WHR1: variants seen among roughly 807,000 people sequenced by gnomAD.
WHR1 encodes the protein MHC class III HLA-RP1.
At chr6:31,979,060 C>G in the WHR1 span, 1,131,156 of 1,548,988 alleles carry the variant, frequency 0.73, 419,188 homozygotes, top group African/African-American at 0.92. Flanking sequence ...AGACAGGGAA[C>G]TTGGGAAACA....
chr6:31,978,886 C>A, the WHR1 span: 1 of 1,611,936 alleles, frequency 6.2e-7, no homozygotes, highest in Non-Finnish European at 8.5e-7. Context: ...TTTTCACTCT[C>A]TTCTCTGTGG....
At chr6:31,974,901 C>G in the WHR1 span, among the ~76,000 whole-genome samples, 2 of 152,162 alleles carry the variant, frequency 1.3e-5, no homozygotes, top group African/African-American at 2.4e-5. Flanking sequence ...GAGCTAGTCT[C>G]CCTGACTAGG....
the WHR1 span, among the ~76,000 whole-genome samples, chr6:31,976,356 C>G: frequency 2.6e-5 from 4 of 151,674 alleles, no homozygotes; most frequent in Non-Finnish European, 4.4e-5. Context: ...AGGGTCTCCT[C>G]CCTTCTCAGA....
chr6:31,972,320 C>T, the WHR1 span: 1 of 1,613,148 alleles, frequency 6.2e-7, no homozygotes, highest in South Asian at 1.1e-5. This position sits in a 1 kb window ranked among gnomAD's most constrained non-coding sequence, Gnocchi z 6.3. Context: ...CCCGGGGAGA[C>T]CGTACGTCAC....
chr6:31,979,499 G>A, the WHR1 span: 2 of 1,612,842 alleles, frequency 1.2e-6, no homozygotes, highest in Non-Finnish European at 1.7e-6. Flanking sequence ...GGGGACCTTA[G>A]TTTCCAGCAG....
chr6:31,979,866 G>GT, the WHR1 span: 1 of 272,096 alleles, frequency 3.7e-6, no homozygotes, highest in Non-Finnish European at 7.0e-6. Context: ...ATAGAGAATG[G>GT]TAGGAGCTGG....
At chr6:31,977,277 T>G in the WHR1 span, among the ~76,000 whole-genome samples, 1 of 152,026 alleles carries the variant, frequency 6.6e-6, no homozygotes, top group East Asian at 1.9e-4. Context: ...GTTCAAGTGA[T>G]TCTCCTGCCT....
chr6:31,972,922 A>G, the WHR1 span: 2 of 1,136,326 alleles, frequency 1.8e-6, no homozygotes, highest in Non-Finnish European at 2.6e-6. The surrounding 1 kb of genome is among the most constrained non-coding windows in gnomAD (Gnocchi z 6.3). Context: ...TCCCGCAGGT[A>G]GTACAGGGCA....
At chr6:31,972,999 A>G in the WHR1 span, 3 of 734,550 alleles carry the variant, frequency 4.1e-6, no homozygotes, top group Non-Finnish European at 7.2e-6. The surrounding 1 kb of genome is among the most constrained non-coding windows in gnomAD (Gnocchi z 6.3). Flanking sequence ...TGGTTCGAAC[A>G]TACAGCGCTG....
the WHR1 span, chr6:31,979,032 G>A: frequency 4.4e-6 from 7 of 1,603,552 alleles, no homozygotes; most frequent in Non-Finnish European, 5.1e-6. Flanking sequence ...GTGCTGGGGG[G>A]AGGGCACAGG....
the WHR1 span, among the ~76,000 whole-genome samples, chr6:31,978,516 G>A: frequency 6.6e-6 from 1 of 152,138 alleles, no homozygotes; most frequent in African/African-American, 2.4e-5. Flanking sequence ...CTGTATTCTC[G>A]TAAACAGAAG....
At chr6:31,971,471 AGCGCAGG>A in the WHR1 span, 1 of 1,614,090 alleles carries the variant, frequency 6.2e-7, no homozygotes, top group Admixed American at 1.7e-5. The surrounding 1 kb of genome is among the most constrained non-coding windows in gnomAD (Gnocchi z 4.5). Flanking sequence ...GGGCTATAGT[AGCGCAGG>A]GCTCGGGCAT....
chr6:31,975,159 C>T, the WHR1 span, among the ~76,000 whole-genome samples: 1 of 151,808 alleles, frequency 6.6e-6, no homozygotes. Context: ...TCAGAATGTC[C>T]CTGGGAGGTG....
chr6:31,977,694 G>T, the WHR1 span, among the ~76,000 whole-genome samples: 1 of 151,682 alleles, frequency 6.6e-6, no homozygotes, highest in African/African-American at 2.4e-5. Context: ...ATGTTGGCCA[G>T]GCTGGTCTTG....
At chr6:31,978,870 C>T in the WHR1 span, 172 of 1,604,098 alleles carry the variant, frequency 1.1e-4, no homozygotes, top group Middle Eastern at 1.7e-4. Flanking sequence ...TACCCTGATA[C>T]GCCTCTTTTC....
At chr6:31,981,313 G>A in the WHR1 span, 1 of 54,398 alleles carries the variant, frequency 1.8e-5, no homozygotes, top group Non-Finnish European at 3.0e-5. Context: ...GTTCCCTTTC[G>A]TGTAAAATGG....
the WHR1 span, among the ~76,000 whole-genome samples, chr6:31,977,484 G>A: frequency 6.6e-6 from 1 of 151,804 alleles, no homozygotes; most frequent in Non-Finnish European, 1.5e-5. Flanking sequence ...TGGGACTACA[G>A]GTGCCCGCCA....
At chr6:31,972,920 G>A in the WHR1 span, 1 of 1,146,470 alleles carries the variant, frequency 8.7e-7, no homozygotes, top group East Asian at 2.6e-5. This position sits in a 1 kb window ranked among gnomAD's most constrained non-coding sequence, Gnocchi z 6.3. Flanking sequence ...AGTCCCGCAG[G>A]TAGTACAGGG....
the WHR1 span, among the ~76,000 whole-genome samples, chr6:31,975,154 A>G: frequency 6.6e-6 from 1 of 151,554 alleles, no homozygotes; most frequent in African/African-American, 2.4e-5. Flanking sequence ...TCTGATCAGA[A>G]TGTCCCTGGG....
Sources: gnomAD v4.1 joint callset for allele counts (sites outside exome capture counted in the v4.1 genomes callset) on GRCh38, gnomAD v4.1.1 for gene constraint, Gnocchi (gnomAD v3.1) non-coding constraint, MANE v1.5 for transcripts, NCBI Gene and HGNC (gene_info 2026-07-23, HGNC 2026-07-21) for gene names.